Variants in LAD1 observed in about 807,000 individuals in gnomAD.
The protein encoded by LAD1 is ladinin-1.
In LAD1, 53 loss-of-function variants were observed where a neutral mutation model predicts 54.2. The ratio of observed to expected loss-of-function variants is 0.98; its 90% CI spans 0.78 to 1.23. The LOEUF (loss-of-function observed/expected upper bound fraction) is 1.23, where lower values mean the gene tolerates loss of function less well. Ranked by LOEUF, LAD1 falls within the 50% of genes most tolerant of loss-of-function variation. The probability of loss-of-function intolerance (pLI) is 0.00; values close to 1 mark genes in which losing one functional copy is unlikely to be tolerated. For missense variants in LAD1, 637 were observed against 653.3 expected (o/e 0.98, Z 0.27); for synonymous variants, 231 against 257.7 (o/e 0.90, Z 0.99).
chr1:201,384,984 T>C (rs1662045116), intron 4 of LAD1, 149 bp from the exon 5 acceptor site: 1 of 703,546 alleles, frequency 1.4e-6, no homozygotes, highest in Non-Finnish European at 2.4e-6. Context: ...CAAAGAAATA[T>C]GTGGACAAGC....
rs369916004 is a variant in LAD1 at position 201,382,249 on chromosome 1, C to A, written c.1548+3G>T. 1.3e-5 allele frequency: 21 copies of A among 1,612,382 alleles called. No homozygotes were observed. The African/African-American group carries it at 2.7e-4, about 20-fold the overall frequency. ...TAGGGCCAGGCTCCTCCCCACCATT[C>A]ACCTCAGCGTCCAGCGAGGAGTCAG... On this transcript the variant is annotated splice_donor_region_variant and intron_variant, in intron 9 of 9. Coordinates refer to ENST00000391967, the MANE Select transcript of LAD1 (RefSeq NM_005558.4).
intron 1 of LAD1, 84 bp downstream of exon 1, chr1:201,399,185 G>C (rs1571727560): frequency 4.4e-6 from 5 of 1,134,776 alleles, no homozygotes. Flanking sequence ...GTCCCAGGCG[G>C]GGAGGAGGCC....
At position 201,385,753 on chromosome 1, in the gene LAD1, C is replaced by T. The variant is rs143101113; in HGVS notation, c.1079G>A (p.Arg360Gln). 43 of 1,614,028 alleles carry T rather than the reference C, an allele frequency of 2.7e-5. No individual in the cohort carries two copies. In the African/African-American group the frequency reaches 2.8e-4, roughly 11 times the overall value. ...GCGTTTGAGGGAGCTGCTGTAGGTT[C>T]GCTGTGTGGGTGAGGACATATCTGC... ...EEADMSSPTQRTYSSSLKRSS... is the reference protein window; with the variant it reads ...EEADMSSPTQQTYSSSLKRSS... Residue 360 changes from arginine (R) to glutamine (Q), a missense_variant, in exon 4 of 10, where the codon CGA (arginine) becomes CAA (glutamine). Physicochemically the swap from Arg to Gln is conservative, Grantham distance 43. Coordinates refer to ENST00000391967, the MANE Select transcript of LAD1 (RefSeq NM_005558.4).
At chr1:201,382,189 T>C (rs1661974837) in intron 9 of LAD1, 63 bp downstream of exon 9, 3 of 1,359,298 alleles carry the variant, frequency 2.2e-6, no homozygotes, top group Admixed American at 1.7e-5. Context: ...ACGGGGACGA[T>C]GGGGTCTCCC....
rs547440158 is a variant in LAD1 at position 201,389,708 on chromosome 1, G to A, written c.39-405C>T. ...GTGGTGGTGCACACCTGTAGTCCCA[G>A]CTACTGAGGAGGTTGAGGCACGAGA... is the stretch of plus-strand genomic sequence containing the variant. On this transcript the variant is annotated intron_variant, in intron 1 of 9. Coordinates refer to ENST00000391967, the MANE Select transcript of LAD1 (RefSeq NM_005558.4). Among the ~76,000 whole-genome samples the A allele has an allele frequency of 2.2e-4, 33 of 151,382 alleles. No homozygotes were observed. In the South Asian group the frequency reaches 7.0e-3, roughly 32 times the overall value.
intron 1 of LAD1, among the ~76,000 whole-genome samples, chr1:201,395,340 C>G (rs1662270102): frequency 1.3e-5 from 2 of 152,210 alleles, no homozygotes; most frequent in Non-Finnish European, 2.9e-5. Flanking sequence ...GGGCTCAAAA[C>G]AGTGTTAGGC....
rs1438087852 is a variant in LAD1, at chr1:201,385,785, C to T, written c.1047G>A (p.Glu349=). The part of the protein sequence containing the change: ...VTLQVKIPSK[E]EEADMSSPTQ... ...TGGGTGAGGACATATCTGCCTCTTC[C>T]TCCTTGCTGGGGATTTTCACCTGGA... Residue 349 remains glutamate, a synonymous_variant, in exon 4 of 10, where the codon GAG becomes GAA. Coordinates refer to ENST00000391967, the MANE Select transcript of LAD1 (RefSeq NM_005558.4). The T allele has an allele frequency of 1.9e-6, 3 of 1,614,088 alleles. No homozygotes were observed. Among genetic ancestry groups the T allele is most frequent in the Non-Finnish European group, 2.5e-6 (3 of 1,179,928 alleles).
chr1:201,387,151 C>A lies in LAD1; in HGVS notation c.210G>T (p.Val70=). 6.5e-7 allele frequency: 1 copy of A among 1,530,430 alleles called. No homozygotes were observed. Among genetic ancestry groups the A allele is most frequent in the Non-Finnish European group, 8.8e-7 (1 of 1,141,534 alleles). The allele number at this position is 1,530,430 out of a possible 1,614,324, so 94.8% of individuals were successfully genotyped here. ...TGGAGGCTGGGGGCAGTGGCTTGGG[C>A]ACCTCTGCTTCTTCCACGCTCGGTA... ...ERLPSVEEAE[V]PKPLPPASKD... The change falls in exon 3 of 10, where the codon GTG becomes GTT. Residue 70 remains valine, a synonymous_variant. Transcript: ENST00000391967.
intron 2 of LAD1, among the ~76,000 whole-genome samples, chr1:201,388,559 T>C (rs1490816324): frequency 6.6e-6 from 1 of 150,626 alleles, no homozygotes; most frequent in East Asian, 2.0e-4. Context: ...GGTGGGTGCC[T>C]GTAGTCCCAG....
chr1:201,387,097 G>C lies in LAD1; in HGVS notation c.264C>G (p.Ile88Met). 1 of 1,601,446 alleles carries C rather than the reference G, an allele frequency of 6.2e-7. No individual in the cohort carries two copies. The highest frequency in any genetic ancestry group is 1.1e-5 in the South Asian group (1 of 88,558). ...GCCTCCGCTCCTGCCGTGTTCTGAG[G>C]ATGCTCTGGATGTCCTCGTCCTCAT... The part of the protein sequence containing the change: ...SKDEDEDIQS[I>M]LRTRQERRQR... The change falls in exon 3 of 10, where the codon ATC becomes ATG. Residue 88 changes from isoleucine to methionine, a missense_variant. Ile to Met is a conservative substitution (Grantham distance 10). Coordinates refer to ENST00000391967, the MANE Select transcript of LAD1 (RefSeq NM_005558.4).
chr1:201,391,611 C>T (rs1302889007), intron 1 of LAD1, among the ~76,000 whole-genome samples: 6 of 152,224 alleles, frequency 3.9e-5, no homozygotes, highest in Non-Finnish European at 7.3e-5. Context: ...ATAACTCCCC[C>T]AACCAAAGTG....
At position 201,381,707 on chromosome 1, in the gene LAD1, G is replaced by A. The variant is rs967593623; in HGVS notation, c.*181C>T. ...AGTCCCAGCCCCAAGAGGCTGGGCTGGGAAGGAGCTGGCTGAGTCTTGCAA... is the reference window on the plus strand; with the variant it reads ...AGTCCCAGCCCCAAGAGGCTGGGCTAGGAAGGAGCTGGCTGAGTCTTGCAA... On this transcript the variant is annotated 3_prime_UTR_variant, in exon 10 of 10. Coordinates refer to ENST00000391967, the MANE Select transcript of LAD1 (RefSeq NM_005558.4). The A allele has an allele frequency of 6.5e-5, 46 of 709,572 alleles. 1 individual carries two copies. In the Admixed American group the frequency reaches 9.4e-4, roughly 15 times the overall value. The allele number at this position is 709,572 out of a possible 1,614,324, so 44.0% of individuals were successfully genotyped here.
chr1:201,384,911 C>G, intron 4 of LAD1, 76 bp from the exon 5 acceptor site: 2 of 1,412,132 alleles, frequency 1.4e-6, no homozygotes, highest in Non-Finnish European at 2.0e-6. Flanking sequence ...AGGAGCCCAG[C>G]TCTCAAGACA....
At chr1:201,382,362 A>C (rs764137778) in intron 8 of LAD1, 36 bp from the exon 9 acceptor site, 1 of 1,533,380 alleles carries the variant, frequency 6.5e-7, no homozygotes, top group Non-Finnish European at 9.0e-7. Context: ...CCAGAGACTA[A>C]GACCAGGCTC....
At chr1:201,395,151 C>T (rs1662267094) in intron 1 of LAD1, among the ~76,000 whole-genome samples, 1 of 152,206 alleles carries the variant, frequency 6.6e-6, no homozygotes, top group South Asian at 2.1e-4. Context: ...TCAACCCTGA[C>T]ACCTGGCAAA....
In LAD1 at chr1:201,386,922, T is replaced by C. The variant is rs758033364; in HGVS notation, c.439A>G (p.Ser147Gly). The part of the protein sequence containing the change: ...ELEIPPRRRL[S>G]REQRGPWALE... ...GCCCAGGGGCCCCGCTGTTCCCGAC[T>C]CAGTCTCCGGCGAGGTGGGATTTCC... is the stretch of plus-strand genomic sequence containing the variant. The change falls in exon 3 of 10, where the codon AGT becomes GGT. Residue 147 changes from serine to glycine, a missense_variant. Physicochemically the swap from Ser to Gly is moderately conservative, Grantham distance 56 (BLOSUM62 0). Transcript: ENST00000391967. 6.2e-7 allele frequency: 1 copy of C among 1,613,394 alleles called. No individual in the cohort carries two copies. Among genetic ancestry groups the C allele is most frequent in the Non-Finnish European group, 8.5e-7 (1 of 1,179,900 alleles).
Position 201,381,524 on chromosome 1 carries a change from A to G in LAD1, c.*364T>C. The G allele has an allele frequency of 3.0e-6, 1 of 337,088 alleles. No homozygotes were observed. The highest frequency in any genetic ancestry group is 5.6e-6 in the Non-Finnish European group (1 of 179,716). The allele number at this position is 337,088 out of a possible 1,614,324, so 20.9% of individuals were successfully genotyped here. ...GAGCCGATGAGACAGGTGACTCTGG[A>G]GTTCTTGAGGGGCGCCGTGCCCTGA... On this transcript the variant is annotated 3_prime_UTR_variant, in exon 10 of 10. Transcript: ENST00000391967.
chr1:201,399,140 T>A, intron 1 of LAD1, 129 bp downstream of exon 1: 1 of 830,832 alleles, frequency 1.2e-6, no homozygotes, highest in Non-Finnish European at 1.9e-6. Flanking sequence ...CTCCCGCGAG[T>A]CGCAGCAAGA....
At chr1:201,392,220 A>G (rs1256984260) in intron 1 of LAD1, among the ~76,000 whole-genome samples, 3 of 152,260 alleles carry the variant, frequency 2.0e-5, no homozygotes, top group Admixed American at 6.5e-5. Flanking sequence ...TTCTAGGTCC[A>G]GCATCCCCTG....
Sources: allele counts gnomAD v4.1 joint callset (sites outside exome capture counted in the v4.1 genomes callset), GRCh38; gene constraint gnomAD v4.1.1; transcripts MANE v1.5; gene names NCBI Gene and HGNC (gene_info 2026-07-23, HGNC 2026-07-21).